DENND1A: variants seen among roughly 807,000 people sequenced by gnomAD.
The protein encoded by DENND1A is DENN domain-containing protein 1A.
Under a neutral mutation model 113.7 loss-of-function variants are expected in DENND1A, and 51 were observed. That is an observed-to-expected ratio of 0.45 (90% CI 0.36 to 0.57). DENND1A has a LOEUF of 0.57. Among genes scored for constraint, DENND1A ranks in the 20% least tolerant of loss-of-function variants. The pLI is 0.00. For synonymous variants in DENND1A, 565 were observed against 570.8 expected (o/e 0.99, Z 0.14); for missense variants, 1,258 against 1,395.9 (o/e 0.90, Z 1.57).
chr9:123,765,164 C>T (rs1038057218), intron 4 of DENND1A, among the ~76,000 whole-genome samples: 36 of 152,114 alleles, frequency 2.4e-4, no homozygotes, highest in Admixed American at 1.8e-3. Flanking sequence ...GAAATAAAAC[C>T]GTTTGTTAGG....
At chr9:123,421,732 G>C (rs1407498799) in intron 19 of DENND1A, among the ~76,000 whole-genome samples, 1 of 152,194 alleles carries the variant, frequency 6.6e-6, no homozygotes, top group Non-Finnish European at 1.5e-5. Flanking sequence ...CAGAGGTCCA[G>C]AGAGGAGTGC....
chr9:123,628,418 TG>T (rs903697805), intron 10 of DENND1A, among the ~76,000 whole-genome samples: 1 of 151,792 alleles, frequency 6.6e-6, no homozygotes, highest in Admixed American at 6.6e-5. Context: ...TCTAACAATC[TG>T]GGAGCAGAAG....
At chr9:123,649,924 T>C (rs1292206378) in intron 9 of DENND1A, among the ~76,000 whole-genome samples, 2 of 152,214 alleles carry the variant, frequency 1.3e-5, no homozygotes, top group Non-Finnish European at 2.9e-5. Flanking sequence ...GCTGTCGTAG[T>C]AAGGATTAAA....
At chr9:123,546,483 C>T (rs762562117) in intron 13 of DENND1A, among the ~76,000 whole-genome samples, 6 of 151,590 alleles carry the variant, frequency 4.0e-5, no homozygotes, top group Non-Finnish European at 5.9e-5. Flanking sequence ...ACCTGGGAGG[C>T]GGAGCTTGCA....
chr9:123,488,907 G>A (rs1024982126), intron 13 of DENND1A, among the ~76,000 whole-genome samples: 1 of 152,186 alleles, frequency 6.6e-6, no homozygotes, highest in Non-Finnish European at 1.5e-5. Context: ...GGGAAAGACA[G>A]CTAATGCTTA....
chr9:123,424,577 T>C (rs1462887873), intron 19 of DENND1A, among the ~76,000 whole-genome samples: 1 of 152,192 alleles, frequency 6.6e-6, no homozygotes, highest in African/African-American at 2.4e-5. Context: ...TATTCCCAGC[T>C]GCTATTTCTC....
intron 10 of DENND1A, among the ~76,000 whole-genome samples, chr9:123,615,940 T>C (rs1309021846): frequency 6.6e-6 from 1 of 152,052 alleles, no homozygotes; most frequent in Non-Finnish European, 1.5e-5. Flanking sequence ...ATTTTATAGC[T>C]TTTTTTTGAG....
intron 1 of DENND1A, among the ~76,000 whole-genome samples, chr9:123,881,988 C>T (rs1023690687): frequency 2.0e-5 from 3 of 152,254 alleles, no homozygotes; most frequent in South Asian, 2.1e-4. Flanking sequence ...GCTTCCAGGA[C>T]GTTGCTCTCT....
chr9:123,785,104 C>A (rs1408040246), intron 3 of DENND1A, among the ~76,000 whole-genome samples: 1 of 152,020 alleles, frequency 6.6e-6, no homozygotes, highest in Non-Finnish European at 1.5e-5. Flanking sequence ...CTTTGGGAGG[C>A]TGAGGGAAGA....
chr9:123,745,526 C>T (rs1257328781), intron 5 of DENND1A, among the ~76,000 whole-genome samples: 1 of 152,230 alleles, frequency 6.6e-6, no homozygotes, highest in Non-Finnish European at 1.5e-5. Flanking sequence ...TTGGCATTAT[C>T]TCAATAAAGT....
At position 123,738,645 on chromosome 9, in the gene DENND1A, G is replaced by C. The variant is rs115990291; in HGVS notation, c.302+19058C>G. On this transcript the variant is annotated intron_variant, in intron 5 of 23. Coordinates refer to ENST00000394215, the MANE Select transcript of DENND1A (RefSeq NM_001352964.2). Reference sequence around the variant, plus strand: ...CATATCCTAAAGTGCTGAAAGAATTGGCTACTGGTATGAAACCATTTCAAG... The same window carrying C: ...CATATCCTAAAGTGCTGAAAGAATTCGCTACTGGTATGAAACCATTTCAAG... Among the ~76,000 whole-genome samples, 460 of 152,264 alleles carry C rather than the reference G, an allele frequency of 3.0e-3. 2 individuals are homozygous for C. Among genetic ancestry groups the C allele is most frequent in the African/African-American group, 9.1e-3 (379 of 41,550 alleles).
intron 11 of DENND1A, among the ~76,000 whole-genome samples, chr9:123,599,444 A>T (rs75495991): frequency 0.058 from 8,809 of 152,302 alleles, 283 homozygotes; most frequent in African/African-American, 0.074. Flanking sequence ...GCTATCTTCT[A>T]GAGATGCCTA....
intron 19 of DENND1A, among the ~76,000 whole-genome samples, chr9:123,421,235 A>AT (rs2045274735): frequency 6.6e-6 from 1 of 151,520 alleles, no homozygotes; most frequent in Admixed American, 6.6e-5. Flanking sequence ...GGAGATCTAC[A>AT]TGCGAGGTCT....
intron 2 of DENND1A, among the ~76,000 whole-genome samples, chr9:123,805,984 C>T (rs773206815): frequency 5.3e-5 from 8 of 152,156 alleles, no homozygotes; most frequent in Non-Finnish European, 8.8e-5. Context: ...GATGGAGTCT[C>T]GCTCTATCAC....
At chr9:123,836,670 G>A (rs1011633516) in intron 2 of DENND1A, among the ~76,000 whole-genome samples, 8 of 151,874 alleles carry the variant, frequency 5.3e-5, no homozygotes, top group African/African-American at 1.9e-4. Context: ...TTTCAAATTT[G>A]AGGAAATACT....
chr9:123,482,446 C>A (rs1461822588), intron 13 of DENND1A, among the ~76,000 whole-genome samples: 1 of 152,198 alleles, frequency 6.6e-6, no homozygotes, highest in Non-Finnish European at 1.5e-5. Flanking sequence ...AAATCAAATA[C>A]CTCTTGCCTA....
rs549355608 is a variant in DENND1A, at chr9:123,508,155, G to GTTAT, written c.993+49411_993+49414dup. Among the ~76,000 whole-genome samples, 75 of 152,350 alleles carry GTTAT rather than the reference G, an allele frequency of 4.9e-4. 2 individuals are homozygous for GTTAT. In the South Asian group the frequency reaches 0.015, roughly 31 times the overall value. On this transcript the variant is annotated intron_variant, in intron 13 of 23. Coordinates refer to ENST00000394215, the MANE Select transcript of DENND1A (RefSeq NM_001352964.2). ...TAGACTTAGTAAGTCCAGAGCCAGTGTTATACAAGACAAGGCTCCTAAAAT... is the reference window on the plus strand; with the variant it reads ...TAGACTTAGTAAGTCCAGAGCCAGTGTTATTTATACAAGACAAGGCTCCTAAAAT...
intron 21 of DENND1A, among the ~76,000 whole-genome samples, chr9:123,396,155 C>T (rs993219962): frequency 3.3e-5 from 5 of 152,134 alleles, no homozygotes; most frequent in African/African-American, 9.7e-5. Context: ...AGGGAGGCCA[C>T]GCGCTCTGCT....
intron 1 of DENND1A, among the ~76,000 whole-genome samples, chr9:123,915,804 CT>C (rs2134085988): frequency 6.6e-6 from 1 of 152,186 alleles, no homozygotes; most frequent in African/African-American, 2.4e-5. Flanking sequence ...ATCACAGGCT[CT>C]TATTAAGTAT....
Sources: gnomAD v4.1 joint callset for allele counts (sites outside exome capture counted in the v4.1 genomes callset) on GRCh38, gnomAD v4.1.1 for gene constraint, MANE v1.5 for transcripts, NCBI Gene and HGNC (gene_info 2026-07-23, HGNC 2026-07-21) for gene names.